The following ZBTB16 variants were observed in gnomAD, a reference collection of about 807,000 sequenced individuals.
ZBTB16 encodes the protein zinc finger and BTB domain containing 16.
ZBTB16 carries 8 observed loss-of-function variants against 56.8 expected under a neutral mutation model. The observed-to-expected ratio is 0.14, with a 90% CI of 0.08 to 0.25. The LOEUF is 0.25. Ranked by LOEUF, ZBTB16 falls within the 10% of genes least tolerant of loss-of-function variation. The pLI is 1.00. For synonymous variants in ZBTB16, 363 were observed against 368.5 expected (o/e 0.98, Z 0.17); for missense variants, 625 against 903.0 (o/e 0.69, Z 3.95).
At chr11:114,199,085 A>C (rs1338551879) in intron 4 of ZBTB16, among the ~76,000 whole-genome samples, 3 of 152,258 alleles carry the variant, frequency 2.0e-5, no homozygotes, top group Admixed American at 1.3e-4. Context: ...TCGATGCCAG[A>C]CATGGATGCT....
rs537839436 is a variant in ZBTB16 at position 114,129,002 on chromosome 11, G to A, written c.1269-27335G>A. 2.0e-5 allele frequency among the ~76,000 whole-genome samples: 3 copies of A among 152,298 alleles called. No individual in the cohort carries two copies. The East Asian group carries it at 5.8e-4, about 29-fold the overall frequency. On this transcript the variant is annotated intron_variant, in intron 2 of 6. Coordinates refer to ENST00000335953, the MANE Select transcript of ZBTB16 (RefSeq NM_006006.6). Reference sequence around the variant, plus strand: ...CAGTGGCGGGTTGGGAGGGAGCAGAGCACAGCTCCCCATGTGCGTTCAGGT... The same window carrying A: ...CAGTGGCGGGTTGGGAGGGAGCAGAACACAGCTCCCCATGTGCGTTCAGGT...
At chr11:114,239,109 T>G (rs1170477404) in intron 4 of ZBTB16, among the ~76,000 whole-genome samples, 1 of 152,062 alleles carries the variant, frequency 6.6e-6, no homozygotes, top group African/African-American at 2.4e-5. Context: ...GACAGCATAG[T>G]GGGGCAGTAT....
At chr11:114,180,189 G>A (rs1463804686) in intron 3 of ZBTB16, among the ~76,000 whole-genome samples, 1 of 152,190 alleles carries the variant, frequency 6.6e-6, no homozygotes, top group African/African-American at 2.4e-5. Context: ...AGGGAAAAAG[G>A]GGAGAAGAGT....
Position 114,064,212 on chromosome 11 carries a change from G to A in ZBTB16, c.912G>A (p.Glu304=), listed in dbSNP as rs575264022. 6.2e-7 allele frequency: 1 copy of A among 1,613,990 alleles called. No homozygotes were observed. Among genetic ancestry groups the A allele is most frequent in the Admixed American group, 1.7e-5 (1 of 60,022 alleles). ...ELHYGREESA[E]QVPPPAEAGQ... is the part of the protein sequence containing the mutation. The stretch of plus-strand genomic sequence containing the variant: ...ACTATGGGCGAGAGGAGAGTGCCGA[G>A]CAGGTGCCACCCCCAGCTGAGGCTG... Residue 304 remains glutamate (E), a synonymous_variant, in exon 2 of 7, where the codon GAG becomes GAA. Transcript: ENST00000335953. The surrounding 1 kb of genome is among the most constrained non-coding windows in gnomAD (Gnocchi z 4.2).
rs191478618 is a variant in ZBTB16 at position 114,222,003 on chromosome 11, C to T, written c.1454-20164C>T. 1.8e-4 allele frequency among the ~76,000 whole-genome samples: 27 copies of T among 152,264 alleles called. No homozygotes were observed. In the East Asian group the frequency reaches 5.2e-3, roughly 29 times the overall value. ...CCATGATCATGCAGTGACCATCCAG[C>T]TTGGCTCTGCTGTCGCCTGCAGAGA... On this transcript the variant is annotated intron_variant, in intron 4 of 6. Coordinates refer to ENST00000335953, the MANE Select transcript of ZBTB16 (RefSeq NM_006006.6).
rs941033488 is a variant in ZBTB16 at position 114,255,985 on chromosome 11, C to T, written c.*5430C>T. On this transcript the variant is annotated 3_prime_UTR_variant, in exon 7 of 7. Transcript: ENST00000335953. The stretch of plus-strand genomic sequence containing the variant: ...TAATTCAGTTGTCTCTCGCTTGAAG[C>T]GTCCCACCTTTTTATTGAAGTACTT... Among the ~76,000 whole-genome samples, 26 of 150,440 alleles carry T rather than the reference C, an allele frequency of 1.7e-4. No homozygotes were observed. The highest frequency in any genetic ancestry group is 7.4e-5 in the Non-Finnish European group (5 of 67,848).
intron 4 of ZBTB16, among the ~76,000 whole-genome samples, chr11:114,235,693 T>TCTTTCA (rs10669266): frequency 8.7e-6 from 1 of 114,304 alleles, no homozygotes; most frequent in Non-Finnish European, 1.8e-5. Context: ...TTTCTTTCTT[T>TCTTTCA]TCTTTCTTTC....
chr11:114,214,968 C>T (rs746250398), intron 4 of ZBTB16, among the ~76,000 whole-genome samples: 4 of 149,292 alleles, frequency 2.7e-5, no homozygotes, highest in Non-Finnish European at 4.4e-5. Flanking sequence ...ATTTGGAAGC[C>T]AGAGAGAGGA....
At chr11:114,071,695 G>C (rs1403928446) in intron 2 of ZBTB16, among the ~76,000 whole-genome samples, 1 of 152,146 alleles carries the variant, frequency 6.6e-6, no homozygotes, top group Non-Finnish European at 1.5e-5. Context: ...GTGTGCCTCA[G>C]TTTGTCCATT....
intron 3 of ZBTB16, among the ~76,000 whole-genome samples, chr11:114,170,607 A>G (rs2135008678): frequency 6.6e-6 from 1 of 151,456 alleles, no homozygotes; most frequent in Admixed American, 6.6e-5. Context: ...GAATTCTTTC[A>G]CTTGCCTGGG....
In ZBTB16 at chr11:114,250,251, G is replaced by T; in HGVS notation, c.1793-75G>T. 1 of 1,532,080 alleles carries T rather than the reference G, an allele frequency of 6.5e-7. No individual in the cohort carries two copies. Among genetic ancestry groups the T allele is most frequent in the Non-Finnish European group, 8.9e-7 (1 of 1,119,366 alleles). The allele number at this position is 1,532,080 out of a possible 1,614,324, so 94.9% of individuals were successfully genotyped here. A position where few individuals can be genotyped will look rare whatever the true frequency, so the allele number is the denominator to read the frequency against. On this transcript the variant is annotated intron_variant, in intron 6 of 6. Coordinates refer to ENST00000335953, the MANE Select transcript of ZBTB16 (RefSeq NM_006006.6). The surrounding 1 kb of genome is among the most constrained non-coding windows in gnomAD (Gnocchi z 6.0). Reference sequence around the variant, plus strand: ...TGGAGGAACCCAGCTTCCCTGGCACGCCTGAGGGTGACATGGTGCCCTCAC... The same window carrying T: ...TGGAGGAACCCAGCTTCCCTGGCACTCCTGAGGGTGACATGGTGCCCTCAC...
chr11:114,171,605 C>T lies in ZBTB16; in HGVS notation c.1366+15171C>T, dbSNP rs139045433. Among the ~76,000 whole-genome samples the T allele has an allele frequency of 6.1e-3, 928 of 152,306 alleles. 11 individuals are homozygous for T. Among genetic ancestry groups the T allele is most frequent in the African/African-American group, 0.021 (879 of 41,548 alleles). On this transcript the variant is annotated intron_variant, in intron 3 of 6. Transcript: ENST00000335953. ...AAGGTGACAGGAAGAGTCATTGTCA[C>T]GGGAGTACTCCATCTTTCTGACACC...
chr11:114,239,137 G>A (rs424463), intron 4 of ZBTB16, among the ~76,000 whole-genome samples: 115,718 of 151,998 alleles, frequency 0.76, 44,767 homozygotes, highest in East Asian at 0.91. Context: ...CCTTGGAAAG[G>A]CCAAGGGGGC....
chr11:114,131,369 A>G (rs1032823754), intron 2 of ZBTB16, among the ~76,000 whole-genome samples: 3 of 152,230 alleles, frequency 2.0e-5, no homozygotes, highest in African/African-American at 7.2e-5. Flanking sequence ...TTTTTGTCCC[A>G]AAATTTTTAC....
intron 4 of ZBTB16, among the ~76,000 whole-genome samples, chr11:114,191,633 C>G (rs1943495974): frequency 6.6e-6 from 1 of 152,190 alleles, no homozygotes. Context: ...CTAAAAGGCT[C>G]AGGATCATTT....
intron 3 of ZBTB16, among the ~76,000 whole-genome samples, chr11:114,162,918 A>G (rs1333555375): frequency 2.0e-5 from 3 of 151,974 alleles, no homozygotes; most frequent in South Asian, 4.2e-4. Context: ...TGCTTCCCGA[A>G]CTTTTTCCCA....
intron 2 of ZBTB16, among the ~76,000 whole-genome samples, chr11:114,131,266 G>A (rs941096232): frequency 6.6e-6 from 1 of 152,140 alleles, no homozygotes; most frequent in Non-Finnish European, 1.5e-5. Context: ...ATCGTGAACA[G>A]GACAGTCTCC....
intron 2 of ZBTB16, among the ~76,000 whole-genome samples, chr11:114,085,163 T>A (rs373773225): frequency 7.2e-5 from 11 of 152,322 alleles, no homozygotes; most frequent in African/African-American, 2.6e-4. Context: ...GTAGTACATT[T>A]TCCATCTCAG....
intron 2 of ZBTB16, among the ~76,000 whole-genome samples, chr11:114,147,013 G>A (rs938057132): frequency 4.6e-5 from 7 of 152,116 alleles, no homozygotes; most frequent in Middle Eastern, 3.2e-3. Flanking sequence ...TTTGGTACCC[G>A]TACAGGTAAT....
Sources: gnomAD v4.1 joint callset for allele counts (sites outside exome capture counted in the v4.1 genomes callset) on GRCh38, gnomAD v4.1.1 for gene constraint, Gnocchi (gnomAD v3.1) non-coding constraint, MANE v1.5 for transcripts, NCBI Gene and HGNC (gene_info 2026-07-23, HGNC 2026-07-21) for gene names.